ZFAT: variants seen among roughly 807,000 people sequenced by gnomAD.
ZFAT encodes the protein zinc finger protein ZFAT.
ZFAT carries 64 observed loss-of-function variants against 117.7 expected under a neutral mutation model. The ratio of observed to expected loss-of-function variants is 0.54; its 90% CI spans 0.44 to 0.67. The LOEUF is 0.67. Ranked by LOEUF, ZFAT falls within the 30% of genes least tolerant of loss-of-function variation. The pLI is 0.00. For synonymous variants in ZFAT, 679 were observed against 615.0 expected, an observed-to-expected ratio of 1.10 and a Z score of -1.54; for missense variants, 1,433 against 1,584.5, an observed-to-expected ratio of 0.90 and a Z score of 1.62.
intron 10 of ZFAT, among the ~76,000 whole-genome samples, chr8:134,572,310 A>G (rs6983560): frequency 0.26 from 38,930 of 152,178 alleles, 5,349 homozygotes; most frequent in East Asian, 0.53. Flanking sequence ...TGTAGGAAGC[A>G]GTTGGATTTT....
In ZFAT at chr8:134,559,640, C is replaced by T. The variant is rs192853917; in HGVS notation, c.2976+5693G>A. 6.0e-3 allele frequency among the ~76,000 whole-genome samples: 920 copies of T among 152,344 alleles called. 5 individuals carry two copies. Among genetic ancestry groups the T allele is most frequent in the Non-Finnish European group, 0.01 (709 of 68,028 alleles). On this transcript the variant is annotated intron_variant, in intron 11 of 15. Coordinates refer to ENST00000377838, the MANE Select transcript of ZFAT (RefSeq NM_020863.4). ...ACAGGGTCAAAGGCACTAACACTCCCACCAGCAATGTGTGAGAATGGCTGT... is the reference window on the plus strand; with the variant it reads ...ACAGGGTCAAAGGCACTAACACTCCTACCAGCAATGTGTGAGAATGGCTGT...
At chr8:134,687,363 C>G (rs1045044933) in intron 1 of ZFAT, among the ~76,000 whole-genome samples, 5 of 152,316 alleles carry the variant, frequency 3.3e-5, no homozygotes, top group South Asian at 2.1e-4. Context: ...ATAATTAGGG[C>G]TGGGCCAACA....
chr8:134,663,744 G>A (rs9969647), intron 1 of ZFAT, among the ~76,000 whole-genome samples: 137,022 of 152,236 alleles, frequency 0.9, 61,954 homozygotes, highest in African/African-American at 0.97. Context: ...TCTTAAAATA[G>A]TGATAAAAAT....
intron 1 of ZFAT, among the ~76,000 whole-genome samples, chr8:134,678,955 C>T (rs1386801922): frequency 1.3e-5 from 2 of 152,320 alleles, no homozygotes; most frequent in East Asian, 3.9e-4. Flanking sequence ...AAATTAAAGA[C>T]TTAAATATAA....
chr8:134,615,660 A>C (rs1301712487), intron 3 of ZFAT, among the ~76,000 whole-genome samples: 1 of 152,102 alleles, frequency 6.6e-6, no homozygotes, highest in Non-Finnish European at 1.5e-5. Flanking sequence ...TGGGGAACCT[A>C]AGCTAAGACT....
the ZFAT span, among the ~76,000 whole-genome samples, chr8:134,822,412 T>A: frequency 9.9e-5 from 15 of 152,072 alleles, no homozygotes; most frequent in Non-Finnish European, 1.5e-4. Context: ...CCCTAGTAGG[T>A]CATAAGTAAT....
rs1187893004 is a variant in ZFAT at position 134,583,861 on chromosome 8, T to C, written c.2858A>G (p.Lys953Arg). ...GKKFKSKGTL[K>R]SHKLLHTADG... ...TGCAGTGTGAAGGAGTTTGTGACTT[T>C]TCAGTGTCCCTTTTGATTTGAATTT... The change falls in exon 10 of 16, where the codon AAA becomes AGA. Residue 953 changes from lysine (K) to arginine (R), a missense_variant. Around this residue, in one of 5 missense-constraint regions of ZFAT, gnomAD observed 503 missense variants for 543.4 expected, o/e 0.93. Transcript: ENST00000377838. 6.2e-7 allele frequency: 1 copy of C among 1,613,626 alleles called. No individual in the cohort carries two copies. The highest frequency in any genetic ancestry group is 8.5e-7 in the Non-Finnish European group (1 of 1,179,784).
At chr8:134,571,378 T>G (rs981790822) in intron 10 of ZFAT, among the ~76,000 whole-genome samples, 1 of 152,192 alleles carries the variant, frequency 6.6e-6, no homozygotes, top group African/African-American at 2.4e-5. Context: ...AAGAAGGAAC[T>G]CAAACACAAA....
At chr8:134,628,992 G>A (rs1829705266) in intron 3 of ZFAT, among the ~76,000 whole-genome samples, 1 of 152,202 alleles carries the variant, frequency 6.6e-6, no homozygotes, top group African/African-American at 2.4e-5. Context: ...AACCACTGGT[G>A]TACACAGAGC....
the ZFAT span, among the ~76,000 whole-genome samples, chr8:134,734,576 G>A: frequency 6.6e-6 from 1 of 152,340 alleles, no homozygotes; most frequent in African/African-American, 2.4e-5. Context: ...AGTGTGGTGG[G>A]TGCAGTAAAA....
In ZFAT at chr8:134,601,342, TC is replaced by T. The variant is rs1278194280; in HGVS notation, c.2242+134del. 9.0e-5 allele frequency: 119 copies of T among 1,326,100 alleles called. 1 individual carries two copies. The Middle Eastern group carries it at 4.1e-3, about 46-fold the overall frequency. The allele number at this position is 1,326,100 out of a possible 1,614,324, so 82.1% of individuals were successfully genotyped here. A position where few individuals can be genotyped will look rare whatever the true frequency, so the allele number is the denominator to read the frequency against. ...GCTAACGGCCACACAGGGTCACCGT[TC>T]CTATCTACAATGGAGGAGGATGGCT... On this transcript the variant is annotated intron_variant, in intron 6 of 15. Coordinates refer to ENST00000377838, the MANE Select transcript of ZFAT (RefSeq NM_020863.4).
At chr8:134,483,336 A>G (rs1484112154) in intron 15 of ZFAT, among the ~76,000 whole-genome samples, 2 of 152,216 alleles carry the variant, frequency 1.3e-5, no homozygotes, top group Non-Finnish European at 2.9e-5. Context: ...AAAGCCAGAA[A>G]GTAGCAAAAG....
the ZFAT span, among the ~76,000 whole-genome samples, chr8:134,778,728 A>C: frequency 2.6e-5 from 4 of 152,248 alleles, no homozygotes; most frequent in Admixed American, 2.6e-4. Context: ...TTCTAGGAAA[A>C]GATTATATCA....
At chr8:134,490,086 C>T (rs959322762) in intron 15 of ZFAT, among the ~76,000 whole-genome samples, 5 of 152,264 alleles carry the variant, frequency 3.3e-5, no homozygotes, top group African/African-American at 1.2e-4. Context: ...CGCTATTTCT[C>T]ACTCTAGGTG....
intron 1 of ZFAT, among the ~76,000 whole-genome samples, chr8:134,675,573 G>A (rs188911630): frequency 2.3e-4 from 35 of 152,242 alleles, no homozygotes; most frequent in Non-Finnish European, 3.2e-4. Context: ...TAGCAAGGCC[G>A]GCCAACATTC....
intron 3 of ZFAT, among the ~76,000 whole-genome samples, chr8:134,617,825 T>C (rs1027164989): frequency 6.6e-6 from 1 of 152,194 alleles, no homozygotes; most frequent in Non-Finnish European, 1.5e-5. Context: ...GTCTCGACCG[T>C]GATTACTGAC....
intron 2 of ZFAT, among the ~76,000 whole-genome samples, chr8:134,638,240 G>A (rs1036821): frequency 0.29 from 43,424 of 152,078 alleles, 6,857 homozygotes; most frequent in South Asian, 0.52. Context: ...ACAAATTATA[G>A]CACTAAAGAC....
At position 134,477,912 on chromosome 8, in the gene ZFAT, G is replaced by GCC; in HGVS notation, c.*569_*570insGG. 6.5e-6 allele frequency: 1 copy of GCC among 153,816 alleles called. No individual in the cohort carries two copies. Among genetic ancestry groups the GCC allele is most frequent in the Non-Finnish European group, 1.4e-5 (1 of 69,038 alleles). The allele number at this position is 153,816 out of a possible 1,614,324, so 9.5% of individuals were successfully genotyped here. ...GATGGTAGGGCGAGACCCTGTGATG[G>GCC]GTGAATTTACCTCACTTGATACCAA... On this transcript the variant is annotated 3_prime_UTR_variant, in exon 16 of 16. Transcript: ENST00000377838.
intron 11 of ZFAT, among the ~76,000 whole-genome samples, chr8:134,549,755 G>A (rs1437163648): frequency 1.3e-5 from 2 of 152,250 alleles, no homozygotes; most frequent in African/African-American, 4.8e-5. Context: ...CCTGAGCTCA[G>A]TGGGATTGTG....
Sources: allele counts gnomAD v4.1 joint callset (sites outside exome capture counted in the v4.1 genomes callset), GRCh38; gene constraint gnomAD v4.1.1; regional missense constraint gnomAD v4.1.1; transcripts MANE v1.5; gene names NCBI Gene and HGNC (gene_info 2026-07-23, HGNC 2026-07-21).